IP6K1: variants seen among roughly 807,000 people sequenced by gnomAD.
IP6K1 encodes ATP:1D-myo-inositol-hexakisphosphate phosphotransferase.
Under a neutral mutation model 38.3 loss-of-function variants are expected in IP6K1, and 13 were observed. The ratio of observed to expected loss-of-function variants is 0.34; its 90% CI spans 0.22 to 0.54. The LOEUF is 0.54. Ranked by LOEUF, IP6K1 falls within the 20% of genes least tolerant of loss-of-function variation. The pLI, the probability that IP6K1 is intolerant of heterozygous loss-of-function variation, is 0.92. For synonymous variants in IP6K1, 212 were observed against 229.9 expected (o/e 0.92, Z 0.70); for missense variants, 397 against 599.8 (o/e 0.66, Z 3.53).
intron 1 of IP6K1, among the ~76,000 whole-genome samples, chr3:49,781,309 C>T (rs1046596524): frequency 1.3e-5 from 2 of 152,146 alleles, no homozygotes; most frequent in East Asian, 3.9e-4. Flanking sequence ...GTGATCCACC[C>T]GCTGTGGCCT....
At chr3:49,745,476 A>G (rs2080712310) in intron 2 of IP6K1, among the ~76,000 whole-genome samples, 1 of 152,214 alleles carries the variant, frequency 6.6e-6, no homozygotes, top group South Asian at 2.1e-4. Context: ...TAATCCCAAC[A>G]CTTTGGGAGG....
intron 1 of IP6K1, among the ~76,000 whole-genome samples, chr3:49,774,417 A>AAG (rs1028993531): frequency 6.9e-6 from 1 of 144,156 alleles, no homozygotes; most frequent in African/African-American, 2.9e-5. Context: ...CAAAAAAAAA[A>AAG]AAAAAAAAAA....
intron 1 of IP6K1, among the ~76,000 whole-genome samples, chr3:49,777,922 A>G (rs938922673): frequency 6.6e-6 from 1 of 152,062 alleles, no homozygotes; most frequent in African/African-American, 2.4e-5. Flanking sequence ...GCAAACAAAC[A>G]AACAAAAAAA....
In IP6K1 at chr3:49,782,485, A is replaced by G. The variant is rs376443002; in HGVS notation, c.-129+3869T>C. ...CGCCCGGCCTGGAGGGTCTACTATTATAACAACAGTCTGACACATTTGCAC... is the reference window on the plus strand; with the variant it reads ...CGCCCGGCCTGGAGGGTCTACTATTGTAACAACAGTCTGACACATTTGCAC... On this transcript the variant is annotated intron_variant, in intron 1 of 5. Coordinates refer to ENST00000321599, the MANE Select transcript of IP6K1 (RefSeq NM_153273.4). Among the ~76,000 whole-genome samples, 21 of 152,126 alleles carry G rather than the reference A, an allele frequency of 1.4e-4. No individual in the cohort carries two copies. In the East Asian group the frequency reaches 2.3e-3, roughly 17 times the overall value.
At chr3:49,781,835 C>T (rs912301163) in intron 1 of IP6K1, among the ~76,000 whole-genome samples, 25 of 151,962 alleles carry the variant, frequency 1.6e-4, no homozygotes, top group African/African-American at 6.0e-4. Context: ...CATAATCCAG[C>T]ACTTTGGGAG....
chr3:49,748,069 G>A lies in IP6K1; in HGVS notation c.-29C>T, dbSNP rs757819905. ...GTTGGGGGCCAGTTGCACACTGAGG[G>A]CAGAGGATGCAGCACATGGGCCACA... On this transcript the variant is annotated 5_prime_UTR_variant, in exon 2 of 6. Transcript: ENST00000321599. 3.1e-5 allele frequency: 50 copies of A among 1,611,286 alleles called. No homozygotes were observed. The highest frequency in any genetic ancestry group is 3.8e-5 in the Non-Finnish European group (45 of 1,179,304).
At position 49,760,866 on chromosome 3, in the gene IP6K1, T is replaced by C. The variant is rs574091742; in HGVS notation, c.-128-12698A>G. 3.9e-5 allele frequency among the ~76,000 whole-genome samples: 6 copies of C among 152,318 alleles called. 1 individual carries two copies. The South Asian group carries it at 1.2e-3, about 32-fold the overall frequency. On this transcript the variant is annotated intron_variant, in intron 1 of 5. Transcript: ENST00000321599. ...AATTAACAAATTATGTACCCTTCAA[T>C]GTGCCAATTCACCTATTTTCCCTGT...
chr3:49,771,879 A>C (rs2080962631), intron 1 of IP6K1, among the ~76,000 whole-genome samples: 1 of 152,212 alleles, frequency 6.6e-6, no homozygotes, highest in South Asian at 2.1e-4. Flanking sequence ...TACAGACAAC[A>C]GCATGTATAA....
chr3:49,747,044 T>C (rs899457878), intron 2 of IP6K1, among the ~76,000 whole-genome samples: 1 of 152,224 alleles, frequency 6.6e-6, no homozygotes, highest in African/African-American at 2.4e-5. Context: ...TGTTATGTTA[T>C]GTACATTTTA....
rs1481349663 is a variant in IP6K1, at chr3:49,725,134, C to T, written c.*1988G>A. The stretch of plus-strand genomic sequence containing the variant: ...CAGCAGCAAATCCCAGGCCTTCCCA[C>T]TCTTTGTAGTGCCAGGAAAATACTG... On this transcript the variant is annotated 3_prime_UTR_variant, in exon 6 of 6. Coordinates refer to ENST00000321599, the MANE Select transcript of IP6K1 (RefSeq NM_153273.4). The T allele has an allele frequency of 1.3e-5, 2 of 152,696 alleles. No individual in the cohort carries two copies. The highest frequency in any genetic ancestry group is 1.9e-4 in the East Asian group (1 of 5,204). The allele number at this position is 152,696 out of a possible 1,614,324, so 9.5% of individuals were successfully genotyped here. A position where few individuals can be genotyped will look rare whatever the true frequency, so the allele number is the denominator to read the frequency against.
chr3:49,764,869 T>A (rs2080897476), intron 1 of IP6K1, among the ~76,000 whole-genome samples: 1 of 147,774 alleles, frequency 6.8e-6, no homozygotes, highest in Non-Finnish European at 1.5e-5. Context: ...AGAGTGAAAC[T>A]CTGTCTTGAA....
intron 2 of IP6K1, among the ~76,000 whole-genome samples, chr3:49,740,924 G>C (rs922723234): frequency 1.3e-5 from 2 of 150,522 alleles, no homozygotes; most frequent in African/African-American, 4.9e-5. Context: ...TGCAACCTCA[G>C]CTCACTGCAA....
chr3:49,728,549 A>C (rs897930103), intron 4 of IP6K1, among the ~76,000 whole-genome samples: 1 of 152,020 alleles, frequency 6.6e-6, no homozygotes, highest in Non-Finnish European at 1.5e-5. Context: ...ACAACCATCT[A>C]TCTCTACTCA....
chr3:49,728,738 G>C (rs1447174499), intron 4 of IP6K1, among the ~76,000 whole-genome samples: 14 of 151,902 alleles, frequency 9.2e-5, no homozygotes, highest in Admixed American at 9.2e-4. Context: ...ACTACACCCG[G>C]CTCATTTTTT....
intron 1 of IP6K1, among the ~76,000 whole-genome samples, chr3:49,762,847 T>C (rs985257528): frequency 2.0e-5 from 3 of 151,900 alleles, no homozygotes; most frequent in Non-Finnish European, 4.4e-5. Context: ...TCCCAGCTCA[T>C]GGCAACCTCT....
chr3:49,727,370 G>C lies in IP6K1; in HGVS notation c.1078C>G (p.His360Asp). The part of the protein sequence containing the change: ...LDRRSEMRLK[H>D]LDMVLPEVAS... ...ACCTCAGGGAGCACCATGTCCAGGT[G>C]CTTGAGACGCATCTCAGACCGGCGG... is the stretch of plus-strand genomic sequence containing the variant. The change falls in exon 6 of 6, where the codon CAC becomes GAC. Residue 360 changes from histidine (H) to aspartate (D), a missense_variant. This residue lies in a region of IP6K1 where 164 missense variants were observed against 213.5 expected (regional missense o/e 0.77). Transcript: ENST00000321599. The surrounding 1 kb of genome is among the most constrained non-coding windows in gnomAD (Gnocchi z 5.9). 1 of 1,614,104 alleles carries C rather than the reference G, an allele frequency of 6.2e-7. No homozygotes were observed. The highest frequency in any genetic ancestry group is 8.5e-7 in the Non-Finnish European group (1 of 1,180,046).
chr3:49,734,873 G>C (rs533415177), intron 3 of IP6K1, among the ~76,000 whole-genome samples: 1 of 152,268 alleles, frequency 6.6e-6, no homozygotes, highest in East Asian at 1.9e-4. Flanking sequence ...CCCACCCCTG[G>C]AATGACGGTC....
intron 4 of IP6K1, among the ~76,000 whole-genome samples, chr3:49,729,552 A>ATG (rs1320074287): frequency 6.6e-6 from 1 of 150,756 alleles, no homozygotes; most frequent in East Asian, 2.0e-4. Flanking sequence ...GATTACAGGC[A>ATG]TGTGCCACCA....
intron 3 of IP6K1, among the ~76,000 whole-genome samples, chr3:49,735,849 T>C (rs2080606166): frequency 6.6e-6 from 1 of 152,240 alleles, no homozygotes; most frequent in Non-Finnish European, 1.5e-5. Context: ...ACAGATGAAC[T>C]ATGTACTGTC....
Sources: allele counts gnomAD v4.1 joint callset (sites outside exome capture counted in the v4.1 genomes callset), GRCh38; gene constraint gnomAD v4.1.1; regional missense constraint gnomAD v4.1.1; non-coding constraint Gnocchi (gnomAD v3.1); transcripts MANE v1.5; gene names NCBI Gene and HGNC (gene_info 2026-07-23, HGNC 2026-07-21).